PTPRG: variants seen among roughly 807,000 people sequenced by gnomAD.
PTPRG encodes the protein receptor-type tyrosine-protein phosphatase gamma.
Under a neutral mutation model 165.3 loss-of-function variants are expected in PTPRG, and 102 were observed. The ratio of observed to expected loss-of-function variants is 0.62; its 90% CI spans 0.53 to 0.73. The LOEUF is 0.73. Among genes scored for constraint, PTPRG ranks in the 30% least tolerant of loss-of-function variants. The pLI, the probability that PTPRG is intolerant of heterozygous loss-of-function variation, is 0.00. For missense variants in PTPRG, 1,866 were observed against 1,861.4 expected (o/e 1.00, Z -0.05); for synonymous variants, 675 against 669.5 (o/e 1.01, Z -0.13).
chr3:61,988,443 G>A (rs981996721), intron 2 of PTPRG, among the ~76,000 whole-genome samples: 1 of 152,134 alleles, frequency 6.6e-6, no homozygotes. Flanking sequence ...TTATTTAGTG[G>A]TAGGCAGGTT....
Position 61,699,925 on chromosome 3 carries a change from T to A in PTPRG, c.86-48953T>A, listed in dbSNP as rs191675023. On this transcript the variant is annotated intron_variant, in intron 1 of 29. Coordinates refer to ENST00000474889, the MANE Select transcript of PTPRG (RefSeq NM_002841.4). ...AAAGGAGACTCAACCTCAGAGTGGC[T>A]GCTTTTGAAATAAGTTTTCTAGAGG... is the stretch of plus-strand genomic sequence containing the variant. 2.0e-4 allele frequency among the ~76,000 whole-genome samples: 30 copies of A among 152,320 alleles called. No homozygotes were observed. In the East Asian group the frequency reaches 3.3e-3, roughly 17 times the overall value.
intron 1 of PTPRG, among the ~76,000 whole-genome samples, chr3:61,644,649 G>C (rs1702154757): frequency 6.6e-6 from 1 of 152,166 alleles, no homozygotes; most frequent in Non-Finnish European, 1.5e-5. Context: ...TTGTTAACTG[G>C]AAGAAATCAT....
Position 62,243,837 on chromosome 3 carries a change from G to A in PTPRG, c.2406G>A (p.Val802=), listed in dbSNP as rs76001191. 1 of 1,595,580 alleles carries A rather than the reference G, an allele frequency of 6.3e-7. No homozygotes were observed. The highest frequency in any genetic ancestry group is 8.6e-7 in the Non-Finnish European group (1 of 1,163,918). ...GTTTTCAGACTGCTCATTTCTATGT[G>A]GAAGACAGCAGTTCACCTCGAGTGG... ...RKCFQTAHFY[V]EDSSSPRVVP... The change falls in exon 15 of 30, where the codon GTG becomes GTA. Residue 802 remains valine, a synonymous_variant. Coordinates refer to ENST00000474889, the MANE Select transcript of PTPRG (RefSeq NM_002841.4).
At chr3:61,603,278 G>A (rs943196286) in intron 1 of PTPRG, among the ~76,000 whole-genome samples, 1 of 152,182 alleles carries the variant, frequency 6.6e-6, no homozygotes, top group Non-Finnish European at 1.5e-5. Flanking sequence ...GTGGGGCCTG[G>A]TGGGAGGAGT....
chr3:61,797,585 C>A (rs1488107902), intron 2 of PTPRG, among the ~76,000 whole-genome samples: 12 of 99,224 alleles, frequency 1.2e-4, no homozygotes, highest in East Asian at 5.9e-4. Context: ...CTCCACACCC[C>A]CCCCCACCCC....
At chr3:62,186,912 ATG>A (rs970006785) in intron 8 of PTPRG, among the ~76,000 whole-genome samples, 1 of 152,140 alleles carries the variant, frequency 6.6e-6, no homozygotes, top group Non-Finnish European at 1.5e-5. Flanking sequence ...CTGGCCAGAG[ATG>A]CGTCCATGAA....
intron 1 of PTPRG, among the ~76,000 whole-genome samples, chr3:61,722,557 G>A (rs1308575499): frequency 6.6e-6 from 1 of 152,112 alleles, no homozygotes; most frequent in Non-Finnish European, 1.5e-5. Flanking sequence ...TTAGAATTGG[G>A]CTTTTGGAAC....
chr3:62,252,726 A>G lies in PTPRG; in HGVS notation c.2468-2398A>G, dbSNP rs557033383. ...ATGAGAATGATTAGAATAATTAGTC[A>G]TAGCCTTATATTCATCTCAGTATAA... On this transcript the variant is annotated intron_variant, in intron 15 of 29. Coordinates refer to ENST00000474889, the MANE Select transcript of PTPRG (RefSeq NM_002841.4). The surrounding 1 kb of genome is among the most constrained non-coding windows in gnomAD (Gnocchi z 4.6). 6.6e-6 allele frequency among the ~76,000 whole-genome samples: 1 copy of G among 152,358 alleles called. No homozygotes were observed. Among genetic ancestry groups the G allele is most frequent in the Admixed American group, 6.5e-5 (1 of 15,304 alleles).
At chr3:62,205,038 G>C (rs1316408243) in intron 12 of PTPRG, among the ~76,000 whole-genome samples, 1 of 151,498 alleles carries the variant, frequency 6.6e-6, no homozygotes, top group Non-Finnish European at 1.5e-5. Context: ...ATATTTATTT[G>C]CTTTTGCACT....
intron 2 of PTPRG, among the ~76,000 whole-genome samples, chr3:61,959,692 A>G (rs1345679833): frequency 6.6e-6 from 1 of 152,216 alleles, no homozygotes; most frequent in African/African-American, 2.4e-5. Context: ...GGAGGAAAAT[A>G]GCAGTATTAG....
At chr3:61,738,279 CATATATATATATATATATAT>C (rs1169177844) in intron 1 of PTPRG, among the ~76,000 whole-genome samples, 1 of 15,484 alleles carries the variant, frequency 6.5e-5, no homozygotes, top group African/African-American at 1.4e-4. Context: ...TATATATATA[CATATATATATATATATATAT>C]ATATATATAT....
chr3:61,718,685 A>G (rs1279338403), intron 1 of PTPRG, among the ~76,000 whole-genome samples: 2 of 152,322 alleles, frequency 1.3e-5, no homozygotes, highest in African/African-American at 2.4e-5. Context: ...TTTTAAAGCA[A>G]TTAGAAACCA....
chr3:61,706,865 C>T (rs1027319362), intron 1 of PTPRG, among the ~76,000 whole-genome samples: 2 of 152,104 alleles, frequency 1.3e-5, no homozygotes, highest in African/African-American at 4.8e-5. Flanking sequence ...CTTAAAAATA[C>T]ATGAAACATG....
intron 1 of PTPRG, among the ~76,000 whole-genome samples, chr3:61,605,290 C>G (rs1280825759): frequency 3.9e-5 from 6 of 152,120 alleles, no homozygotes; most frequent in Non-Finnish European, 7.4e-5. Context: ...GAGTCTTGCT[C>G]TGTCACCCAG....
intron 4 of PTPRG, among the ~76,000 whole-genome samples, chr3:62,016,194 G>C (rs1450813913): frequency 6.6e-6 from 1 of 152,054 alleles, no homozygotes; most frequent in Non-Finnish European, 1.5e-5. Context: ...TTAAGACCTA[G>C]TCTCACTCTG....
At chr3:62,257,035 G>A in intron 16 of PTPRG, among the ~76,000 whole-genome samples, 1 of 151,204 alleles carries the variant, frequency 6.6e-6, no homozygotes, top group East Asian at 1.9e-4. Flanking sequence ...GCAGGAAGGT[G>A]AAAGGGCTGT....
intron 1 of PTPRG, among the ~76,000 whole-genome samples, chr3:61,694,025 A>AAGAGAGAG (rs770989000): frequency 2.7e-5 from 4 of 145,992 alleles, no homozygotes; most frequent in African/African-American, 1.0e-4. Context: ...AAAAAAAAAA[A>AAGAGAGAG]AGAGAGAGAG....
chr3:61,721,987 A>G (rs2032067101), intron 1 of PTPRG, among the ~76,000 whole-genome samples: 1 of 152,136 alleles, frequency 6.6e-6, no homozygotes, highest in African/African-American at 2.4e-5. Context: ...TGTTGCATCG[A>G]GACCAGGAGA....
chr3:62,025,876 C>G (rs915423011), intron 4 of PTPRG, among the ~76,000 whole-genome samples: 2 of 151,116 alleles, frequency 1.3e-5, no homozygotes, highest in African/African-American at 4.9e-5. Context: ...TTTTAGAAGG[C>G]AAAACCATTT....
Sources: allele counts gnomAD v4.1 joint callset (sites outside exome capture counted in the v4.1 genomes callset), GRCh38; gene constraint gnomAD v4.1.1; non-coding constraint Gnocchi (gnomAD v3.1); transcripts MANE v1.5; gene names NCBI Gene and HGNC (gene_info 2026-07-23, HGNC 2026-07-21).